DOCK9: variants seen among roughly 807,000 people sequenced by gnomAD.
DOCK9 encodes dedicator of cytokinesis 9, also known as dedicator of cytokinesis protein 9.
In DOCK9, 89 loss-of-function variants were observed where a neutral mutation model predicts 263.3. That is an observed-to-expected ratio of 0.34 (90% CI 0.28 to 0.40). The LOEUF is 0.40. Ranked by LOEUF, DOCK9 falls within the 10% of genes least tolerant of loss-of-function variation. DOCK9 has a pLI of 1.00. For synonymous variants in DOCK9, 976 were observed against 973.1 expected, an observed-to-expected ratio of 1.00 and a Z score of -0.06; for missense variants, 2,140 against 2,603.4, an observed-to-expected ratio of 0.82 and a Z score of 3.87.
intron 1 of DOCK9, among the ~76,000 whole-genome samples, chr13:99,017,717 C>T (rs1418895270): frequency 2.0e-5 from 3 of 152,170 alleles, no homozygotes; most frequent in Non-Finnish European, 4.4e-5. Context: ...ATAAAATATA[C>T]TAACACTAAT....
intron 15 of DOCK9, among the ~76,000 whole-genome samples, chr13:98,896,242 G>A (rs1032096256): frequency 6.6e-6 from 1 of 152,200 alleles, no homozygotes; most frequent in African/African-American, 2.4e-5. Context: ...ACCTTTTTGA[G>A]CCTCTTGACA....
chr13:99,028,693 A>G (rs1433014822), intron 1 of DOCK9, among the ~76,000 whole-genome samples: 2 of 152,194 alleles, frequency 1.3e-5, no homozygotes, highest in Non-Finnish European at 2.9e-5. Context: ...TTTAAGGAGA[A>G]ATTAACAAAG....
intron 33 of DOCK9, 79 bp from the exon 34 acceptor site, chr13:98,856,110 T>TGAGTAC: frequency 6.9e-7 from 1 of 1,441,122 alleles, no homozygotes; most frequent in Non-Finnish European, 9.5e-7. Flanking sequence ...TTAAGGGAAA[T>TGAGTAC]TGCTTTTATT....
intron 1 of DOCK9, among the ~76,000 whole-genome samples, chr13:99,043,924 A>G (rs1448780133): frequency 3.3e-5 from 5 of 152,180 alleles, no homozygotes; most frequent in Non-Finnish European, 7.3e-5. Context: ...CAGCCTCAGA[A>G]GAGCACCTCA....
chr13:98,941,957 T>C (rs888271086), intron 2 of DOCK9, among the ~76,000 whole-genome samples: 4 of 152,168 alleles, frequency 2.6e-5, no homozygotes. Flanking sequence ...TTAGGGGAAA[T>C]ATCATCACTG....
chr13:98,802,205 C>T (rs531685255), intron 49 of DOCK9, among the ~76,000 whole-genome samples: 65 of 152,296 alleles, frequency 4.3e-4, no homozygotes, highest in Middle Eastern at 3.4e-3. Flanking sequence ...CGTTCTACCA[C>T]GGTTATATTT....
At chr13:98,871,964 A>G (rs1186647200) in intron 27 of DOCK9, 1 of 152,802 alleles carries the variant, frequency 6.5e-6, no homozygotes, top group Non-Finnish European at 1.5e-5. Flanking sequence ...CTCCCTGAAG[A>G]CCCACACTCA....
chr13:98,991,103 G>A (rs769492947), intron 1 of DOCK9, among the ~76,000 whole-genome samples: 8 of 150,728 alleles, frequency 5.3e-5, no homozygotes, highest in African/African-American at 1.2e-4. Flanking sequence ...ATGGAGTTTC[G>A]CTTTGTTACC....
intron 47 of DOCK9, chr13:98,808,505 A>G (rs536917237): frequency 1.9e-5 from 13 of 667,142 alleles, no homozygotes; most frequent in Middle Eastern, 2.7e-4. Flanking sequence ...GTAAATTAAG[A>G]GAGAGAAAAT....
At chr13:98,931,001 G>A (rs1029978700) in intron 2 of DOCK9, among the ~76,000 whole-genome samples, 2 of 152,156 alleles carry the variant, frequency 1.3e-5, no homozygotes, top group African/African-American at 2.4e-5. Context: ...ACACAATTGT[G>A]CAACCATCAC....
intron 1 of DOCK9, among the ~76,000 whole-genome samples, chr13:98,998,792 G>A (rs1234685552): frequency 2.6e-5 from 4 of 152,178 alleles, no homozygotes; most frequent in South Asian, 2.1e-4. Flanking sequence ...GGAGAGAGGC[G>A]AAGGCACAGA....
intron 9 of DOCK9, among the ~76,000 whole-genome samples, chr13:98,908,679 T>A (rs1166745425): frequency 6.6e-6 from 1 of 152,146 alleles, no homozygotes; most frequent in African/African-American, 2.4e-5. Context: ...AAACCTTACA[T>A]ATGTTTATCT....
chr13:98,854,028 C>T (rs1315753084), intron 34 of DOCK9, among the ~76,000 whole-genome samples: 2 of 152,094 alleles, frequency 1.3e-5, no homozygotes, highest in Non-Finnish European at 1.5e-5. Flanking sequence ...CATTATGGGG[C>T]GTGCTGTGGG....
intron 36 of DOCK9, among the ~76,000 whole-genome samples, chr13:98,849,227 A>T (rs1388973441): frequency 2.6e-5 from 4 of 152,108 alleles, no homozygotes; most frequent in Non-Finnish European, 4.4e-5. Context: ...AGAGGTCAGG[A>T]GACTATGAGC....
At chr13:98,845,198 C>T in intron 38 of DOCK9, 2 of 507,492 alleles carry the variant, frequency 3.9e-6, no homozygotes, top group Non-Finnish European at 6.7e-6. Context: ...AAATATGCTC[C>T]CCTGTTCTGG....
At position 98,797,117 on chromosome 13, in the gene DOCK9, G is replaced by A; in HGVS notation, c.6154C>T (p.Gln2052Ter). 1 of 1,614,000 alleles carries A rather than the reference G, an allele frequency of 6.2e-7. No homozygotes were observed. The highest frequency in any genetic ancestry group is 2.2e-5 in the East Asian group (1 of 44,884). Residue 2052 changes from glutamine (Q) to a stop codon, truncating the protein, a stop_gained and splice_region_variant, in exon 52 of 53, where the codon CAG becomes TAG. Transcript: ENST00000682017. LOFTEE classifies it high-confidence loss of function. The stretch of plus-strand genomic sequence containing the variant: ...GTTGGAGCCAGTGCGGCCCTCACCT[G>A]CTCATGCATGATTTCAGAAAGCTCC... ...AKELSEIMHEQICPLEEKTSV... is the reference protein window; with the variant it reads ...AKELSEIMHE
intron 1 of DOCK9, among the ~76,000 whole-genome samples, chr13:99,085,213 T>TC (rs142010091): frequency 0.016 from 2,405 of 152,072 alleles, 64 homozygotes; most frequent in African/African-American, 0.054. Flanking sequence ...GCCCCGACAA[T>TC]CCCCCACAGG....
intron 1 of DOCK9, among the ~76,000 whole-genome samples, chr13:99,079,354 A>C (rs1403673889): frequency 6.6e-6 from 1 of 152,150 alleles, no homozygotes; most frequent in East Asian, 1.9e-4. Context: ...CCAAGCTTCA[A>C]GACTCAGCCC....
Position 98,930,172 on chromosome 13 carries a change from G to GT in DOCK9, c.328dup (p.Thr110AsnfsTer8). The GT allele has an allele frequency of 6.2e-7, 1 of 1,608,952 alleles. No individual in the cohort carries two copies. Among genetic ancestry groups the GT allele is most frequent in the Non-Finnish European group, 8.5e-7 (1 of 1,177,528 alleles). On this transcript the variant is annotated frameshift_variant, in exon 3 of 53. Transcript: ENST00000682017. LOFTEE classifies it high-confidence loss of function. ...TAATGCAGGAAAGAGCCTTACCTCT[G>GT]TAACAAACAAGCTCTGTGCTTCCTC... is the stretch of plus-strand genomic sequence containing the variant.
Sources: gnomAD v4.1 joint callset for allele counts (sites outside exome capture counted in the v4.1 genomes callset) on GRCh38, gnomAD v4.1.1 for gene constraint, MANE v1.5 for transcripts, NCBI Gene and HGNC (gene_info 2026-07-23, HGNC 2026-07-21) for gene names.